The following CBFA2T2 variants were observed in gnomAD, a reference collection of about 807,000 sequenced individuals.
The protein encoded by CBFA2T2 is CBFA2/RUNX1 partner transcriptional co-repressor 2.
A neutral mutation model predicts 62.2 loss-of-function variants in CBFA2T2; 11 were observed. The observed-to-expected ratio is 0.18, with a 90% CI of 0.11 to 0.29. CBFA2T2 has a LOEUF of 0.29. Among genes scored for constraint, CBFA2T2 ranks in the 10% least tolerant of loss-of-function variants. The probability of loss-of-function intolerance (pLI) is 1.00; values close to 1 mark genes in which losing one functional copy is unlikely to be tolerated. For missense variants in CBFA2T2, 592 were observed against 774.1 expected (o/e 0.76, Z 2.79); for synonymous variants, 295 against 287.5 (o/e 1.03, Z -0.27).
chr20:33,518,393 T>C (rs1271137482), intron 1 of CBFA2T2, among the ~76,000 whole-genome samples: 2 of 152,086 alleles, frequency 1.3e-5, no homozygotes, highest in Admixed American at 6.6e-5. Flanking sequence ...AGCCAGTCTA[T>C]GGACTAGGTA....
intron 1 of CBFA2T2, among the ~76,000 whole-genome samples, chr20:33,533,601 TAAAG>T (rs2012119687): frequency 1.3e-5 from 2 of 152,170 alleles, no homozygotes; most frequent in South Asian, 4.1e-4. Flanking sequence ...CTATTGCAAA[TAAAG>T]CTTCTTTGAA....
intron 1 of CBFA2T2, among the ~76,000 whole-genome samples, chr20:33,535,651 ATTTAT>A (rs541326916): frequency 0.022 from 3,096 of 139,476 alleles, 97 homozygotes; most frequent in African/African-American, 0.079. Flanking sequence ...TTAAATATTT[ATTTAT>A]TTTATTTTAT....
chr20:33,615,182 C>T (rs2015662774), intron 3 of CBFA2T2, among the ~76,000 whole-genome samples: 1 of 152,062 alleles, frequency 6.6e-6, no homozygotes, highest in Non-Finnish European at 1.5e-5. Context: ...ATAAAGGCCA[C>T]ATAATTTAGT....
intron 1 of CBFA2T2, among the ~76,000 whole-genome samples, chr20:33,502,935 CAGAAA>C (rs2011317491): frequency 6.7e-6 from 1 of 149,714 alleles, no homozygotes; most frequent in African/African-American, 2.4e-5. Context: ...CTAAAAAATA[CAGAAA>C]ATTAGCCGGG....
intron 1 of CBFA2T2, among the ~76,000 whole-genome samples, chr20:33,553,271 C>T (rs539156110): frequency 1.3e-5 from 2 of 152,248 alleles, no homozygotes; most frequent in Non-Finnish European, 2.9e-5. Flanking sequence ...GTTACCCAGG[C>T]GGGAGTGCAA....
At chr20:33,510,084 C>A (rs952043753) in intron 1 of CBFA2T2, among the ~76,000 whole-genome samples, 4 of 151,982 alleles carry the variant, frequency 2.6e-5, no homozygotes, top group African/African-American at 9.7e-5. Context: ...GGTTTTCTGT[C>A]CTTGTGATAG....
At chr20:33,492,207 C>T (rs1302935258) in intron 1 of CBFA2T2, among the ~76,000 whole-genome samples, 3 of 151,756 alleles carry the variant, frequency 2.0e-5, no homozygotes, top group East Asian at 1.9e-4. Context: ...TTAGTAGAGA[C>T]AGGGTTTCAC....
At chr20:33,492,718 C>G (rs1453894356) in intron 1 of CBFA2T2, among the ~76,000 whole-genome samples, 1 of 151,898 alleles carries the variant, frequency 6.6e-6, no homozygotes, top group African/African-American at 2.4e-5. Context: ...GCTTTGTTGC[C>G]CATGCTAGTC....
chr20:33,607,166 A>G (rs370718116), intron 2 of CBFA2T2, 67 bp downstream of exon 2: 66 of 1,471,320 alleles, frequency 4.5e-5, no homozygotes, highest in East Asian at 2.5e-4. Flanking sequence ...ACTGACTTGT[A>G]TGAAGCGTTC....
rs1015695119 is a variant in CBFA2T2, at chr20:33,490,122, C to T, written c.-146C>T. Reference sequence around the variant, plus strand: ...GCGGCGGCGGCGACGGCGACAGCAGCGGTGGTGGTGTCTGGTTAGCTCGGC... The same window carrying T: ...GCGGCGGCGGCGACGGCGACAGCAGTGGTGGTGGTGTCTGGTTAGCTCGGC... On this transcript the variant is annotated 5_prime_UTR_variant, in exon 1 of 11. Transcript: ENST00000342704. 3.8e-5 allele frequency: 30 copies of T among 787,420 alleles called. No homozygotes were observed. The highest frequency in any genetic ancestry group is 4.0e-5 in the Non-Finnish European group (24 of 605,638). The allele number at this position is 787,420 out of a possible 1,614,324, so 48.8% of individuals were successfully genotyped here.
At chr20:33,490,971 A>G (rs1568780976) in intron 1 of CBFA2T2, among the ~76,000 whole-genome samples, 1 of 152,214 alleles carries the variant, frequency 6.6e-6, no homozygotes, top group African/African-American at 2.4e-5. Context: ...CCGCACTCGG[A>G]AAAGTCCGAA....
At position 33,640,424 on chromosome 20, in the gene CBFA2T2, G is replaced by T. The variant is rs757061554; in HGVS notation, c.1381G>T (p.Val461Leu). ...VAEAEQKAFEVIATERARMEQ... is the reference protein window; with the variant it reads ...VAEAEQKAFELIATERARMEQ... ...TGAGGCAGAGCAGAAAGCCTTTGAA[G>T]TGATTGCAACAGAGAGAGCACGAAT... The change falls in exon 10 of 11, where the codon GTG (valine) becomes TTG (leucine). Residue 461 changes from valine to leucine, a missense_variant. Transcript: ENST00000342704. The T allele has an allele frequency of 3.1e-6, 5 of 1,614,266 alleles. No homozygotes were observed. Among genetic ancestry groups the T allele is most frequent in the Non-Finnish European group, 4.2e-6 (5 of 1,180,050 alleles).
At chr20:33,617,682 A>T (rs1304763715) in intron 3 of CBFA2T2, among the ~76,000 whole-genome samples, 1 of 152,196 alleles carries the variant, frequency 6.6e-6, no homozygotes. Context: ...CTTAGTTTTT[A>T]TTCCTGATTA....
chr20:33,630,103 G>A (rs1357260448), intron 8 of CBFA2T2, among the ~76,000 whole-genome samples, 189 bp downstream of exon 8: 1 of 152,030 alleles, frequency 6.6e-6, no homozygotes, highest in Non-Finnish European at 1.5e-5. Flanking sequence ...TTGGTGGGTG[G>A]CGCAGGAAGG....
chr20:33,555,313 A>G (rs1313284931), intron 1 of CBFA2T2, among the ~76,000 whole-genome samples: 1 of 152,142 alleles, frequency 6.6e-6, no homozygotes, highest in Non-Finnish European at 1.5e-5. Flanking sequence ...TGTCATCATC[A>G]GAGTAAGAAA....
intron 1 of CBFA2T2, among the ~76,000 whole-genome samples, chr20:33,536,452 C>A (rs1169999136): frequency 6.8e-6 from 1 of 148,004 alleles, no homozygotes; most frequent in Admixed American, 6.6e-5. Context: ...CCCTCCCGGA[C>A]GGGGCGGCTG....
intron 1 of CBFA2T2, among the ~76,000 whole-genome samples, chr20:33,501,630 C>CT (rs869281966): frequency 0.042 from 2,645 of 63,084 alleles, 907 homozygotes; most frequent in Admixed American, 0.13. Context: ...CTTAGCCTTC[C>CT]TTTTTTTTTT....
chr20:33,494,083 G>C (rs2011169635), intron 1 of CBFA2T2, among the ~76,000 whole-genome samples: 1 of 150,652 alleles, frequency 6.6e-6, no homozygotes, highest in East Asian at 1.9e-4. Flanking sequence ...GTTTCACCAT[G>C]TTGGTCAGGC....
chr20:33,493,033 G>A (rs1180698087), intron 1 of CBFA2T2, among the ~76,000 whole-genome samples: 2 of 145,124 alleles, frequency 1.4e-5, no homozygotes, highest in Admixed American at 6.9e-5. Context: ...GATTACAAGT[G>A]TGAGCCTCTG....
Sources: allele counts gnomAD v4.1 joint callset (sites outside exome capture counted in the v4.1 genomes callset), GRCh38; gene constraint gnomAD v4.1.1; transcripts MANE v1.5; gene names NCBI Gene and HGNC (gene_info 2026-07-23, HGNC 2026-07-21).